Variants in GLIS3 observed in about 807,000 individuals in gnomAD.
The protein encoded by GLIS3 is GLIS family zinc finger 3.
GLIS3 carries 53 observed loss-of-function variants against 78.6 expected under a neutral mutation model. That is an observed-to-expected ratio of 0.67 (90% CI 0.54 to 0.85). GLIS3 has a LOEUF of 0.85. GLIS3 is among the 40% of genes least tolerant of loss of function. The probability of loss-of-function intolerance (pLI) is 0.00; values close to 1 mark genes in which losing one functional copy is unlikely to be tolerated. For missense variants in GLIS3, 1,703 were observed against 1,231.1 expected (o/e 1.38, Z -5.74); for synonymous variants, 684 against 509.9 (o/e 1.34, Z -4.60).
At chr9:4,209,521 C>G (rs531716103) in intron 2 of GLIS3, among the ~76,000 whole-genome samples, 16 of 152,276 alleles carry the variant, frequency 1.1e-4, no homozygotes, top group Admixed American at 5.9e-4. Flanking sequence ...GAAACTTCAC[C>G]AGCAACAAGT....
the GLIS3 span, among the ~76,000 whole-genome samples, chr9:4,428,325 A>G: frequency 0.17 from 25,055 of 151,608 alleles, 2,181 homozygotes; most frequent in South Asian, 0.23. Flanking sequence ...CTAAAAATAC[A>G]AAAATTAGCC....
At chr9:4,390,691 C>T in the GLIS3 span, among the ~76,000 whole-genome samples, 2 of 152,144 alleles carry the variant, frequency 1.3e-5, no homozygotes, top group African/African-American at 4.8e-5. Flanking sequence ...CTAGAAGATC[C>T]AGAGTTGGTG....
At chr9:4,347,854 C>T (rs1034005117) in intron 1 of GLIS3, among the ~76,000 whole-genome samples, 3 of 151,900 alleles carry the variant, frequency 2.0e-5, no homozygotes, top group Non-Finnish European at 4.4e-5. Context: ...ATTTTTTTAG[C>T]CTTTTGACTG....
intron 2 of GLIS3, among the ~76,000 whole-genome samples, chr9:4,275,748 G>C (rs998417710): frequency 6.6e-6 from 1 of 152,096 alleles, no homozygotes; most frequent in African/African-American, 2.4e-5. Context: ...GGGGGACAGA[G>C]CAAGACCCAG....
chr9:3,891,880 T>C (rs764996204), intron 7 of GLIS3, among the ~76,000 whole-genome samples: 1 of 152,174 alleles, frequency 6.6e-6, no homozygotes, highest in Non-Finnish European at 1.5e-5. Flanking sequence ...AAATGCTTCA[T>C]AGGCATCCCT....
At chr9:4,043,859 T>C (rs1825030790) in intron 4 of GLIS3, among the ~76,000 whole-genome samples, 1 of 152,220 alleles carries the variant, frequency 6.6e-6, no homozygotes, top group South Asian at 2.1e-4. Context: ...TCACTTGTAG[T>C]TCTGGAGAAC....
chr9:3,843,627 T>C (rs918479578), intron 9 of GLIS3, among the ~76,000 whole-genome samples: 1 of 152,226 alleles, frequency 6.6e-6, no homozygotes, highest in Non-Finnish European at 1.5e-5. Flanking sequence ...TAGGCACTGA[T>C]AAAAATTATG....
At chr9:4,279,882 T>C (rs1827391919) in intron 2 of GLIS3, among the ~76,000 whole-genome samples, 1 of 151,808 alleles carries the variant, frequency 6.6e-6, no homozygotes, top group Non-Finnish European at 1.5e-5. Flanking sequence ...AGGTAATATA[T>C]GATCTTTGAT....
At chr9:3,987,868 ACAT>A (rs1264145446) in intron 4 of GLIS3, among the ~76,000 whole-genome samples, 2 of 151,750 alleles carry the variant, frequency 1.3e-5, no homozygotes, top group African/African-American at 4.8e-5. Flanking sequence ...ACACTAAAAC[ACAT>A]CATAATTAAA....
At chr9:3,867,582 G>C (rs1488868150) in intron 8 of GLIS3, among the ~76,000 whole-genome samples, 1 of 152,176 alleles carries the variant, frequency 6.6e-6, no homozygotes, top group South Asian at 2.1e-4. Flanking sequence ...AATAGGAAGA[G>C]GCCACCAACC....
At chr9:4,361,669 G>A in the GLIS3 span, among the ~76,000 whole-genome samples, 416 of 152,356 alleles carry the variant, frequency 2.7e-3, 3 homozygotes, top group African/African-American at 7.0e-3. Flanking sequence ...CAGTCCATAA[G>A]CAGTTGTGAT....
At chr9:4,133,198 C>G (rs1450955551) in intron 2 of GLIS3, among the ~76,000 whole-genome samples, 1 of 152,154 alleles carries the variant, frequency 6.6e-6, no homozygotes, top group Non-Finnish European at 1.5e-5. Flanking sequence ...GAATAAGTTG[C>G]AGATTCCATG....
At chr9:4,156,878 C>T (rs1440555152) in intron 2 of GLIS3, among the ~76,000 whole-genome samples, 1 of 152,088 alleles carries the variant, frequency 6.6e-6, no homozygotes, top group Non-Finnish European at 1.5e-5. Context: ...AAGTGTGGTA[C>T]CTGGACCAAC....
chr9:3,864,370 G>A (rs895746200), intron 8 of GLIS3, among the ~76,000 whole-genome samples: 1 of 152,184 alleles, frequency 6.6e-6, no homozygotes, highest in African/African-American at 2.4e-5. Flanking sequence ...CAAAAAATCA[G>A]TGTTATTTTT....
chr9:3,895,602 CTCTG>C (rs531948207), intron 7 of GLIS3, among the ~76,000 whole-genome samples: 232 of 152,284 alleles, frequency 1.5e-3, no homozygotes, highest in Non-Finnish European at 2.8e-3. Context: ...TCCAATCAAG[CTCTG>C]TCTTTCTTTT....
At chr9:4,423,331 T>C in the GLIS3 span, among the ~76,000 whole-genome samples, 1 of 152,144 alleles carries the variant, frequency 6.6e-6, no homozygotes, top group African/African-American at 2.4e-5. Context: ...TATTTCCCTC[T>C]GAGTTGCATC....
the GLIS3 span, among the ~76,000 whole-genome samples, chr9:4,434,484 G>C: frequency 6.6e-6 from 1 of 152,160 alleles, no homozygotes; most frequent in Non-Finnish European, 1.5e-5. Flanking sequence ...GCTTTGGGGA[G>C]AATGAGAAAA....
At chr9:3,950,512 C>G (rs1588296028) in intron 4 of GLIS3, among the ~76,000 whole-genome samples, 1 of 152,222 alleles carries the variant, frequency 6.6e-6, no homozygotes, top group East Asian at 1.9e-4. Flanking sequence ...GGCACCATGC[C>G]CCTTCCCACC....
the GLIS3 span, among the ~76,000 whole-genome samples, chr9:4,422,541 T>C: frequency 1.3e-5 from 2 of 152,244 alleles, no homozygotes; most frequent in Non-Finnish European, 2.9e-5. Context: ...CACATTCTGC[T>C]GCAGTCAACC....
Sources: allele counts gnomAD v4.1 joint callset (sites outside exome capture counted in the v4.1 genomes callset), GRCh38; gene constraint gnomAD v4.1.1; transcripts MANE v1.5; gene names NCBI Gene and HGNC (gene_info 2026-07-23, HGNC 2026-07-21).